Variants in TAB2 observed in about 807,000 individuals in gnomAD.
TAB2 encodes TGF-beta activated kinase 1 (MAP3K7) binding protein 2.
A neutral mutation model predicts 65.0 loss-of-function variants in TAB2; 3 were observed. That is an observed-to-expected ratio of 0.05 (90% CI 0.02 to 0.12). The LOEUF (loss-of-function observed/expected upper bound fraction) is 0.12, where lower values mean the gene tolerates loss of function less well. TAB2 is among the 10% of genes least tolerant of loss of function. The pLI is 1.00. For missense variants in TAB2, 623 were observed against 840.3 expected, an observed-to-expected ratio of 0.74 and a Z score of 3.20; for synonymous variants, 298 against 285.1, an observed-to-expected ratio of 1.05 and a Z score of -0.46.
intron 1 of TAB2, among the ~76,000 whole-genome samples, chr6:149,289,198 A>C (rs1778730479): frequency 6.6e-6 from 1 of 152,138 alleles, no homozygotes; most frequent in Admixed American, 6.5e-5. Flanking sequence ...GTATCTGCTC[A>C]AAACCATCCA....
At chr6:149,357,514 T>G (rs1396792424) in intron 1 of TAB2, among the ~76,000 whole-genome samples, 1 of 151,262 alleles carries the variant, frequency 6.6e-6, no homozygotes, top group Non-Finnish European at 1.5e-5. Flanking sequence ...TCTTTATCAA[T>G]ATGTAAATGG....
At chr6:149,369,003 G>C (rs1781132280) in intron 1 of TAB2, among the ~76,000 whole-genome samples, 1 of 152,024 alleles carries the variant, frequency 6.6e-6, no homozygotes, top group Admixed American at 6.5e-5. Flanking sequence ...GTATTTTTAG[G>C]CTTATGTTAA....
chr6:149,380,395 G>A (rs1781568531), intron 3 of TAB2, among the ~76,000 whole-genome samples: 1 of 151,920 alleles, frequency 6.6e-6, no homozygotes, highest in Non-Finnish European at 1.5e-5. Context: ...TTAAATGTTG[G>A]TTAATATATT....
At chr6:149,305,427 C>T (rs1201742213) in intron 1 of TAB2, among the ~76,000 whole-genome samples, 1 of 152,078 alleles carries the variant, frequency 6.6e-6, no homozygotes, top group Admixed American at 6.6e-5. Context: ...TTTCAAAGGG[C>T]CCTGTCCAAA....
At chr6:149,222,604 C>A (rs140306106) in intron 1 of TAB2, among the ~76,000 whole-genome samples, 4 of 141,990 alleles carry the variant, frequency 2.8e-5, no homozygotes, top group African/African-American at 8.1e-5. Context: ...GGCAACAGAG[C>A]GAGACTCTGT....
intron 1 of TAB2, among the ~76,000 whole-genome samples, chr6:149,253,982 GA>G (rs1562389328): frequency 7.7e-6 from 1 of 130,658 alleles, no homozygotes; most frequent in Non-Finnish European, 1.7e-5. Context: ...AAGAAAGAAA[GA>G]AAGAAAGAAA....
intron 2 of TAB2, among the ~76,000 whole-genome samples, chr6:149,377,100 C>T (rs573148891): frequency 1.4e-5 from 2 of 146,338 alleles, no homozygotes; most frequent in South Asian, 2.2e-4. Flanking sequence ...GACAGAGTCT[C>T]GCTCTGTCAC....
intron 1 of TAB2, among the ~76,000 whole-genome samples, chr6:149,365,130 A>G (rs1308966272): frequency 6.6e-6 from 1 of 152,182 alleles, no homozygotes; most frequent in African/African-American, 2.4e-5. Flanking sequence ...CTATTGCTGC[A>G]AACATTTCAT....
intron 1 of TAB2, among the ~76,000 whole-genome samples, chr6:149,295,166 C>T (rs1225573357): frequency 1.3e-5 from 2 of 152,166 alleles, no homozygotes; most frequent in African/African-American, 4.8e-5. Context: ...TTGTGAGAGA[C>T]CTGATTTCTT....
At chr6:149,286,103 A>G (rs1055234264) in intron 1 of TAB2, among the ~76,000 whole-genome samples, 1 of 148,528 alleles carries the variant, frequency 6.7e-6, no homozygotes, top group African/African-American at 2.5e-5. Context: ...CACTACCAAA[A>G]AAGTATCTTT....
chr6:149,399,356 G>A (rs546918110), intron 6 of TAB2, among the ~76,000 whole-genome samples, 172 bp downstream of exon 6: 1 of 152,246 alleles, frequency 6.6e-6, no homozygotes, highest in Admixed American at 6.5e-5. Context: ...GGGTTGGGAA[G>A]GATGCAAAGA....
intron 6 of TAB2, among the ~76,000 whole-genome samples, chr6:149,409,171 G>A (rs867752221): frequency 1.3e-5 from 2 of 152,126 alleles, no homozygotes; most frequent in African/African-American, 4.8e-5. Context: ...GGTAGAAAAC[G>A]AATATAAATA....
At chr6:149,300,189 A>C (rs1354752495) in intron 1 of TAB2, among the ~76,000 whole-genome samples, 1 of 152,208 alleles carries the variant, frequency 6.6e-6, no homozygotes, top group Non-Finnish European at 1.5e-5. Flanking sequence ...TGGTGAATCC[A>C]GGTAAGGGAT....
chr6:149,278,634 C>T (rs571665144), intron 1 of TAB2, among the ~76,000 whole-genome samples: 7 of 152,088 alleles, frequency 4.6e-5, no homozygotes, highest in East Asian at 1.9e-4. Flanking sequence ...CAAAGGAATC[C>T]GTAAACCAAA....
chr6:149,334,435 CT>C (rs1365177346), intron 1 of TAB2, among the ~76,000 whole-genome samples: 4 of 152,072 alleles, frequency 2.6e-5, no homozygotes, highest in Admixed American at 6.6e-5. Flanking sequence ...ATACTAGAGT[CT>C]TGAGAGGTTG....
In TAB2 at chr6:149,389,427, C is replaced by T. The variant is rs899082859; in HGVS notation, c.1604-8177C>T. Among the ~76,000 whole-genome samples, 9 of 152,010 alleles carry T rather than the reference C, an allele frequency of 5.9e-5. No homozygotes were observed. The East Asian group carries it at 1.6e-3, about 26-fold the overall frequency. Reference sequence around the variant, plus strand: ...TTGGGAGCCCGAGGCGGGTAGATCACCTGAGGTTGGGAGTTCGAGACCAGC... The same window carrying T: ...TTGGGAGCCCGAGGCGGGTAGATCATCTGAGGTTGGGAGTTCGAGACCAGC... On this transcript the variant is annotated intron_variant, in intron 3 of 6. Transcript: ENST00000637181.
intron 1 of TAB2, chr6:149,246,286 A>G (rs1029174562): frequency 2.6e-5 from 4 of 152,204 alleles, no homozygotes; most frequent in African/African-American, 7.2e-5. Context: ...ATTTGCTCCT[A>G]AAAGCAAATG....
chr6:149,391,743 T>A (rs1781993358), intron 3 of TAB2, among the ~76,000 whole-genome samples: 1 of 151,874 alleles, frequency 6.6e-6, no homozygotes, highest in African/African-American at 2.4e-5. Context: ...GCATCTCCGT[T>A]TGTTGCCCAG....
chr6:149,258,580 C>A (rs900422018), intron 1 of TAB2, among the ~76,000 whole-genome samples: 28 of 152,200 alleles, frequency 1.8e-4, no homozygotes, highest in African/African-American at 6.8e-4. Flanking sequence ...TGCTCAGAAG[C>A]ATCCATTTTT....
Sources: allele counts gnomAD v4.1 joint callset (sites outside exome capture counted in the v4.1 genomes callset), GRCh38; gene constraint gnomAD v4.1.1; transcripts MANE v1.5; gene names NCBI Gene and HGNC (gene_info 2026-07-23, HGNC 2026-07-21).